STAU1: variants seen among roughly 807,000 people sequenced by gnomAD.
The protein encoded by STAU1 is double-stranded RNA-binding protein Staufen homolog 1.
A neutral mutation model predicts 62.9 loss-of-function variants in STAU1; 13 were observed. The ratio of observed to expected loss-of-function variants is 0.21; its 90% confidence interval spans 0.13 to 0.33. The LOEUF is 0.33. Ranked by LOEUF, STAU1 falls within the 10% of genes least tolerant of loss-of-function variation. The pLI is 1.00. For synonymous variants in STAU1, 269 were observed against 265.1 expected, an observed-to-expected ratio of 1.01 and a Z score of -0.14; for missense variants, 571 against 712.1, an observed-to-expected ratio of 0.80 and a Z score of 2.25.
the STAU1 span, among the ~76,000 whole-genome samples, chr20:49,208,769 G>A: frequency 6.6e-6 from 1 of 150,572 alleles, no homozygotes; most frequent in Non-Finnish European, 1.5e-5. Context: ...ACAGGTGCCT[G>A]TCACCATGCT....
intron 1 of STAU1, among the ~76,000 whole-genome samples, chr20:49,181,804 G>T (rs1319264660): frequency 7.3e-6 from 1 of 136,952 alleles, no homozygotes; most frequent in Non-Finnish European, 1.5e-5. Flanking sequence ...AAAAGCAGAG[G>T]CAATCTAATG....
the STAU1 span, among the ~76,000 whole-genome samples, chr20:49,202,778 G>A: frequency 5.3e-5 from 8 of 151,956 alleles, no homozygotes; most frequent in Non-Finnish European, 8.8e-5. Context: ...GTGGCTCAAC[G>A]CCTGTAGTCC....
chr20:49,206,215 A>G, the STAU1 span, among the ~76,000 whole-genome samples: 12 of 145,564 alleles, frequency 8.2e-5, no homozygotes, highest in Non-Finnish European at 1.2e-4. Context: ...GCTGGTCTGG[A>G]ACTCCTGACC....
upstream of STAU1, among the ~76,000 whole-genome samples, chr20:49,190,210 A>C (rs954633271): frequency 6.6e-5 from 10 of 152,226 alleles, no homozygotes; most frequent in African/African-American, 2.4e-4. Context: ...TGATTTTGCT[A>C]TCACCCATAG....
chr20:49,196,372 GCCT>G, the STAU1 span, among the ~76,000 whole-genome samples: 2 of 149,988 alleles, frequency 1.3e-5, no homozygotes, highest in East Asian at 3.9e-4. Flanking sequence ...GGGGGGCGGA[GCCT>G]GCAGTGAACT....
chr20:49,155,834 G>A (rs2093348843), intron 3 of STAU1, among the ~76,000 whole-genome samples: 1 of 152,198 alleles, frequency 6.6e-6, no homozygotes, highest in East Asian at 1.9e-4. Flanking sequence ...CATGAAGAAA[G>A]TATACTGCAA....
At chr20:49,161,233 G>A (rs1430129734) in intron 3 of STAU1, among the ~76,000 whole-genome samples, 5 of 151,956 alleles carry the variant, frequency 3.3e-5, no homozygotes, top group Non-Finnish European at 7.4e-5. Context: ...AGGCCAAGGT[G>A]GGAGGATTGC....
intron 3 of STAU1, among the ~76,000 whole-genome samples, chr20:49,158,140 C>T (rs1003499939): frequency 1.3e-5 from 2 of 151,556 alleles, no homozygotes; most frequent in East Asian, 2.0e-4. Context: ...AAATTAGCCA[C>T]GTGTGGTAGT....
intron 3 of STAU1, among the ~76,000 whole-genome samples, chr20:49,162,419 G>C (rs1335793301): frequency 6.6e-6 from 1 of 152,162 alleles, no homozygotes; most frequent in African/African-American, 2.4e-5. Context: ...ACCAGTCCAA[G>C]GAATTGTGGG....
Position 49,117,740 on chromosome 20 carries a change from T to C in STAU1, c.1509+37A>G. 1 of 1,557,044 alleles carries C rather than the reference T, an allele frequency of 6.4e-7. No homozygotes were observed. Among genetic ancestry groups the C allele is most frequent in the Non-Finnish European group, 8.7e-7 (1 of 1,151,342 alleles). On this transcript the variant is annotated intron_variant, in intron 11 of 13. Coordinates refer to ENST00000371856, the MANE Select transcript of STAU1 (RefSeq NM_017453.4). The surrounding 1 kb of genome is among the most constrained non-coding windows in gnomAD (Gnocchi z 4.6). Reference sequence around the variant, plus strand: ...GAGAGAAGCCAAAAGATGACTGTCCTGAGGCACAGCCATCACAGCTCAGGC... The same window carrying C: ...GAGAGAAGCCAAAAGATGACTGTCCCGAGGCACAGCCATCACAGCTCAGGC...
chr20:49,158,370 G>A, intron 3 of STAU1: 2 of 1,085,340 alleles, frequency 1.8e-6, no homozygotes, highest in Non-Finnish European at 2.5e-6. Flanking sequence ...TAATTTACAA[G>A]GGAAACCTGG....
the STAU1 span, among the ~76,000 whole-genome samples, chr20:49,209,952 G>A: frequency 6.6e-6 from 1 of 152,102 alleles, no homozygotes; most frequent in East Asian, 1.9e-4. Context: ...AGGAAGCTGA[G>A]GCAGGAGAAT....
At chr20:49,170,075 A>G (rs1037971079) in intron 2 of STAU1, among the ~76,000 whole-genome samples, 3 of 152,148 alleles carry the variant, frequency 2.0e-5, no homozygotes, top group Admixed American at 6.6e-5. Context: ...GAGCGCTACG[A>G]AAGTTTTTTT....
chr20:49,129,737 C>T (rs1021968889), intron 6 of STAU1, among the ~76,000 whole-genome samples: 7 of 148,690 alleles, frequency 4.7e-5, no homozygotes, highest in Admixed American at 2.7e-4. Flanking sequence ...CAGGTTCAAG[C>T]GATTCTCATG....
intron 6 of STAU1, chr20:49,135,007 T>G: frequency 6.2e-7 from 1 of 1,600,558 alleles, no homozygotes; most frequent in East Asian, 2.2e-5. Flanking sequence ...TTTCAGGACC[T>G]GGACAGCGAA....
intron 12 of STAU1, among the ~76,000 whole-genome samples, chr20:49,116,109 C>T (rs1219932216): frequency 1.3e-5 from 2 of 152,160 alleles, no homozygotes; most frequent in East Asian, 3.9e-4. Context: ...TATTTTTAAC[C>T]ATGTGGTAAC....
upstream of STAU1, among the ~76,000 whole-genome samples, chr20:49,192,258 A>G (rs1434401714): frequency 1.3e-5 from 2 of 150,984 alleles, no homozygotes; most frequent in Non-Finnish European, 3.0e-5. Context: ...AGGCAGGAGA[A>G]TGGCGTGAAC....
In STAU1 at chr20:49,114,151, G is replaced by C. The variant is rs1449788099; in HGVS notation, c.*727C>G. On this transcript the variant is annotated 3_prime_UTR_variant, in exon 14 of 14. Transcript: ENST00000371856. ...AAAAATGTCTAACCACATACACATG[G>C]ATATGATCTTTGTCGGTTAGATTAT... 1 of 152,524 alleles carries C rather than the reference G, an allele frequency of 6.6e-6. No individual in the cohort carries two copies. The highest frequency in any genetic ancestry group is 1.5e-5 in the Non-Finnish European group (1 of 68,056). 9.4% of individuals were successfully genotyped at this position (152,524 alleles called of 1,614,324 possible). A position where few individuals can be genotyped will look rare whatever the true frequency, so the allele number is the denominator to read the frequency against.
the STAU1 span, among the ~76,000 whole-genome samples, chr20:49,202,867 C>T: frequency 4.0e-5 from 6 of 151,506 alleles, no homozygotes; most frequent in Admixed American, 4.0e-4. Context: ...ATGGTGAAAC[C>T]CTGTCTCTAC....
Sources: gnomAD v4.1 joint callset for allele counts (sites outside exome capture counted in the v4.1 genomes callset) on GRCh38, gnomAD v4.1.1 for gene constraint, Gnocchi (gnomAD v3.1) non-coding constraint, MANE v1.5 for transcripts, NCBI Gene and HGNC (gene_info 2026-07-23, HGNC 2026-07-21) for gene names.